Variants in SV2C observed in about 807,000 individuals in gnomAD.
SV2C encodes the protein synaptic vesicle glycoprotein 2C.
In SV2C, 49 loss-of-function variants were observed where a neutral mutation model predicts 79.7. The ratio of observed to expected loss-of-function variants is 0.61; its 90% CI spans 0.49 to 0.78. SV2C has a LOEUF of 0.78. Ranked by LOEUF, SV2C falls within the 30% of genes least tolerant of loss-of-function variation. The pLI is 0.00. For missense variants in SV2C, 833 were observed against 912.9 expected, an observed-to-expected ratio of 0.91 and a Z score of 1.13; for synonymous variants, 334 against 333.2, an observed-to-expected ratio of 1.00 and a Z score of -0.03.
intron 4 of SV2C, among the ~76,000 whole-genome samples, chr5:76,224,241 A>G (rs945880784): frequency 7.2e-5 from 11 of 152,104 alleles, no homozygotes; most frequent in African/African-American, 2.7e-4. Context: ...CCTAACTTGA[A>G]ACACGGATAT....
At chr5:75,929,204 T>A in the SV2C span, among the ~76,000 whole-genome samples, 1 of 151,890 alleles carries the variant, frequency 6.6e-6, no homozygotes, top group Middle Eastern at 3.2e-3. Context: ...TGACTGTCAC[T>A]CTGTCCTCTC....
intron 1 of SV2C, among the ~76,000 whole-genome samples, chr5:76,094,208 C>T (rs780626465): frequency 3.9e-4 from 60 of 152,094 alleles, no homozygotes; most frequent in Non-Finnish European, 7.6e-4. Flanking sequence ...TAATTTTTTT[C>T]CACAGAAAAC....
the SV2C span, among the ~76,000 whole-genome samples, chr5:75,860,795 A>G: frequency 6.6e-6 from 1 of 152,216 alleles, no homozygotes; most frequent in Non-Finnish European, 1.5e-5. Context: ...ACCTACAGCC[A>G]TCTTTTCTTT....
At chr5:75,960,148 T>A in the SV2C span, among the ~76,000 whole-genome samples, 11 of 152,014 alleles carry the variant, frequency 7.2e-5, no homozygotes, top group African/African-American at 1.2e-4. Context: ...AATGAAAAAA[T>A]CCTAGAAACT....
the SV2C span, among the ~76,000 whole-genome samples, chr5:75,980,276 C>A: frequency 6.6e-6 from 1 of 152,142 alleles, no homozygotes; most frequent in Non-Finnish European, 1.5e-5. Context: ...CAGTTGAATT[C>A]TAGCAGACAG....
chr5:75,953,559 T>G, the SV2C span, among the ~76,000 whole-genome samples: 6 of 152,136 alleles, frequency 3.9e-5, no homozygotes, highest in South Asian at 1.2e-3. Context: ...CTTCAAACTT[T>G]GCAGTAGCTG....
chr5:76,162,396 A>G (rs1742922158), intron 2 of SV2C, among the ~76,000 whole-genome samples: 2 of 152,200 alleles, frequency 1.3e-5, no homozygotes, highest in Non-Finnish European at 2.9e-5. Context: ...CCCACAGTAC[A>G]CTGAATGCTG....
chr5:76,173,695 C>T (rs771157499), intron 2 of SV2C: 2 of 1,613,712 alleles, frequency 1.2e-6, no homozygotes, highest in Non-Finnish European at 1.7e-6. Flanking sequence ...TGTTAATTTG[C>T]CGCACTAGGT....
At chr5:76,339,721 A>G (rs1287238412) in intron 12 of SV2C, among the ~76,000 whole-genome samples, 2 of 151,988 alleles carry the variant, frequency 1.3e-5, no homozygotes, top group African/African-American at 4.8e-5. Context: ...CTCAAAAAAA[A>G]AAAAAAAGAA....
the SV2C span, among the ~76,000 whole-genome samples, chr5:75,897,730 C>T: frequency 6.6e-6 from 1 of 152,184 alleles, no homozygotes; most frequent in South Asian, 2.1e-4. Flanking sequence ...TGTTTGTATC[C>T]TCTTTTATTT....
the SV2C span, among the ~76,000 whole-genome samples, chr5:75,984,574 T>TCTATCTAC: frequency 1.2e-5 from 1 of 83,248 alleles, no homozygotes; most frequent in East Asian, 2.0e-4. Flanking sequence ...TCTATATCTA[T>TCTATCTAC]CTATCTATCT....
intron 1 of SV2C, among the ~76,000 whole-genome samples, chr5:76,111,210 T>C (rs1478431603): frequency 6.6e-6 from 1 of 152,116 alleles, no homozygotes; most frequent in African/African-American, 2.4e-5. Context: ...TAAAAGATCC[T>C]CTAAATGGAA....
At chr5:76,052,318 C>A in the SV2C span, among the ~76,000 whole-genome samples, 1 of 152,150 alleles carries the variant, frequency 6.6e-6, no homozygotes, top group Non-Finnish European at 1.5e-5. Flanking sequence ...TATTTAAATT[C>A]AGAGATTGCA....
chr5:76,099,807 G>A (rs1030032458), intron 1 of SV2C, among the ~76,000 whole-genome samples: 1 of 152,036 alleles, frequency 6.6e-6, no homozygotes, highest in African/African-American at 2.4e-5. Context: ...CTCTTCATCC[G>A]AGCTGAATTT....
At chr5:75,977,071 T>C in the SV2C span, among the ~76,000 whole-genome samples, 1 of 152,218 alleles carries the variant, frequency 6.6e-6, no homozygotes, top group Non-Finnish European at 1.5e-5. Flanking sequence ...TAAATATATT[T>C]TTGCATAAAT....
chr5:76,065,943 G>A, the SV2C span, among the ~76,000 whole-genome samples: 1 of 152,152 alleles, frequency 6.6e-6, no homozygotes, highest in African/African-American at 2.4e-5. Flanking sequence ...AATGGTGTTA[G>A]AGCTCTTGGC....
At chr5:75,901,018 C>G in the SV2C span, among the ~76,000 whole-genome samples, 4 of 152,130 alleles carry the variant, frequency 2.6e-5, no homozygotes, top group African/African-American at 4.8e-5. Flanking sequence ...AACTTCTTTG[C>G]CTTTGGTTTG....
At chr5:75,938,641 C>T in the SV2C span, among the ~76,000 whole-genome samples, 1 of 152,228 alleles carries the variant, frequency 6.6e-6, no homozygotes, top group Middle Eastern at 3.4e-3. Flanking sequence ...TTGTCATTGG[C>T]AGAGGTGGTG....
At chr5:75,888,504 A>G in the SV2C span, among the ~76,000 whole-genome samples, 1 of 151,770 alleles carries the variant, frequency 6.6e-6, no homozygotes, top group African/African-American at 2.4e-5. Context: ...TTTTCTTTTT[A>G]CCTTGGGCCT....
Sources: allele counts gnomAD v4.1 joint callset (sites outside exome capture counted in the v4.1 genomes callset), GRCh38; gene constraint gnomAD v4.1.1; transcripts MANE v1.5; gene names NCBI Gene and HGNC (gene_info 2026-07-23, HGNC 2026-07-21).